The following TRIP12 variants were observed in gnomAD, a reference collection of about 807,000 sequenced individuals.
TRIP12 encodes the protein thyroid hormone receptor interactor 12.
Under a neutral mutation model 244.2 loss-of-function variants are expected in TRIP12, and 25 were observed. The observed-to-expected ratio is 0.10, with a 90% CI of 0.07 to 0.14. The LOEUF (loss-of-function observed/expected upper bound fraction) is 0.14. TRIP12 is among the 10% of genes least tolerant of loss of function. TRIP12 has a pLI of 1.00. For missense variants in TRIP12, 1,677 were observed against 2,486.4 expected, an observed-to-expected ratio of 0.67 and a Z score of 6.92; for synonymous variants, 905 against 873.1, an observed-to-expected ratio of 1.04 and a Z score of -0.64.
chr2:229,829,854 C>G (rs1339078924), intron 7 of TRIP12, among the ~76,000 whole-genome samples: 1 of 152,108 alleles, frequency 6.6e-6, no homozygotes, highest in Admixed American at 6.5e-5. Context: ...GAGGATGAAG[C>G]AGGAGAATCA....
chr2:229,773,583 C>T (rs1013847341), intron 38 of TRIP12: 3 of 152,696 alleles, frequency 2.0e-5, no homozygotes, highest in Non-Finnish European at 2.9e-5. Flanking sequence ...AAGGCCCCTA[C>T]TTTGTTGCCC....
intron 1 of TRIP12, among the ~76,000 whole-genome samples, chr2:229,897,237 T>C (rs2069103956): frequency 1.3e-5 from 2 of 152,238 alleles, no homozygotes; most frequent in Admixed American, 1.3e-4. Flanking sequence ...TCTCAATTTA[T>C]ATACACTTCA....
intron 34 of TRIP12, 130 bp from the exon 35 acceptor site, chr2:229,779,120 T>C (rs947222848): frequency 9.6e-6 from 7 of 727,550 alleles, no homozygotes; most frequent in Non-Finnish European, 1.6e-5. Context: ...TTCCAAAATG[T>C]CCTGGCTGGA....
At chr2:229,872,682 A>T (rs2062879135) in intron 2 of TRIP12, among the ~76,000 whole-genome samples, 1 of 152,242 alleles carries the variant, frequency 6.6e-6, no homozygotes, top group Non-Finnish European at 1.5e-5. Flanking sequence ...TACAAATACA[A>T]AGCTGTCAAA....
At chr2:229,824,296 T>TA (rs1382330934) in intron 8 of TRIP12, among the ~76,000 whole-genome samples, 1 of 152,088 alleles carries the variant, frequency 6.6e-6, no homozygotes, top group African/African-American at 2.4e-5. Flanking sequence ...TGAATTTTGG[T>TA]AAAAATTCAA....
At chr2:229,877,402 C>A (rs766370146) in intron 2 of TRIP12, among the ~76,000 whole-genome samples, 1 of 151,938 alleles carries the variant, frequency 6.6e-6, no homozygotes, top group South Asian at 2.1e-4. Context: ...AGGTGGCAGG[C>A]GCCTGTAATC....
chr2:229,804,829 G>A (rs1177357449), intron 18 of TRIP12, among the ~76,000 whole-genome samples: 1 of 152,164 alleles, frequency 6.6e-6, no homozygotes. Flanking sequence ...GGCTACAATG[G>A]CAATGGTGGT....
intron 17 of TRIP12, 45 bp downstream of exon 17, chr2:229,807,663 C>G: frequency 3.1e-6 from 5 of 1,612,836 alleles, no homozygotes; most frequent in Non-Finnish European, 4.2e-6. Flanking sequence ...TACACCCACT[C>G]TCCAACAAAA....
chr2:229,891,210 C>T lies in TRIP12; in HGVS notation c.-49-11082G>A, dbSNP rs180742269. ...CTGAAGCGGTAGGATCACTTGATCT[C>T]AGGAGTTTGAGACCAGCCTAGGCAA... On this transcript the variant is annotated intron_variant, in intron 1 of 41. Coordinates refer to ENST00000675903, the MANE Select transcript of TRIP12 (RefSeq NM_001348323.3). 1.5e-4 allele frequency among the ~76,000 whole-genome samples: 23 copies of T among 151,938 alleles called. No homozygotes were observed. The East Asian group carries it at 4.5e-3, about 29-fold the overall frequency.
chr2:229,919,811 A>C (rs770110207), intron 1 of TRIP12, among the ~76,000 whole-genome samples: 9 of 152,206 alleles, frequency 5.9e-5, no homozygotes, highest in Non-Finnish European at 1.3e-4. Flanking sequence ...AAAGCCCACA[A>C]ACCCCAATCA....
Position 229,860,296 on chromosome 2 carries a change from T to C in TRIP12, c.224+110A>G, listed in dbSNP as rs758077871. ...ATCCTAAAAGTTACTTAGAGAATAA[T>C]GAAAATATGTATCAAAACGTTTTGG... is the stretch of plus-strand genomic sequence containing the variant. On this transcript the variant is annotated intron_variant, in intron 3 of 41. Transcript: ENST00000675903. 6.1e-4 allele frequency: 822 copies of C among 1,357,560 alleles called. 1 individual carries two copies. The highest frequency in any genetic ancestry group is 7.0e-4 in the Non-Finnish European group (702 of 1,004,944). The allele number at this position is 1,357,560 out of a possible 1,614,324, so 84.1% of individuals were successfully genotyped here.
At chr2:229,772,757 T>C (rs1330523375) in intron 38 of TRIP12, among the ~76,000 whole-genome samples, 2 of 152,028 alleles carry the variant, frequency 1.3e-5, no homozygotes, top group Non-Finnish European at 2.9e-5. Context: ...CCACCACGCC[T>C]AGCCAGTTAT....
At chr2:229,907,300 G>T (rs745915194) in intron 1 of TRIP12, among the ~76,000 whole-genome samples, 12 of 152,196 alleles carry the variant, frequency 7.9e-5, no homozygotes, top group Non-Finnish European at 1.5e-4. Flanking sequence ...ATCCTGAAAA[G>T]TATGTATTTT....
intron 2 of TRIP12, among the ~76,000 whole-genome samples, chr2:229,871,941 C>T (rs1316988546): frequency 1.3e-5 from 2 of 151,692 alleles, no homozygotes; most frequent in Non-Finnish European, 2.9e-5. Context: ...TACAAGTTCA[C>T]GATGACAGTG....
intron 8 of TRIP12, among the ~76,000 whole-genome samples, chr2:229,819,346 A>ACCAACCTGG (rs1193287177): frequency 3.9e-5 from 6 of 152,296 alleles, no homozygotes. Context: ...GGAGTTTGAG[A>ACCAACCTGG]CCAACCTGGC....
chr2:229,822,828 T>C (rs1426816935), intron 8 of TRIP12, among the ~76,000 whole-genome samples: 1 of 152,072 alleles, frequency 6.6e-6, no homozygotes, highest in Non-Finnish European at 1.5e-5. Context: ...ATGGACAAAA[T>C]TGATTAAGAA....
intron 13 of TRIP12, among the ~76,000 whole-genome samples, chr2:229,813,645 G>A (rs1461416407): frequency 1.3e-5 from 2 of 152,040 alleles, no homozygotes; most frequent in South Asian, 4.1e-4. Context: ...TGAGCTGGGT[G>A]TGGTGGCACA....
At chr2:229,922,556 C>A, upstream of TRIP12, 1 of 1,614,082 alleles carries the variant, frequency 6.2e-7, no homozygotes, top group Non-Finnish European at 8.5e-7. Flanking sequence ...AACTGTAGGA[C>A]AAGGCCCGCC....
chr2:229,775,459 G>C (rs962927365), intron 37 of TRIP12, among the ~76,000 whole-genome samples: 3 of 149,634 alleles, frequency 2.0e-5, no homozygotes, highest in African/African-American at 7.4e-5. Flanking sequence ...ACTATCCTCT[G>C]TGACTCCCTG....
Sources: allele counts gnomAD v4.1 joint callset (sites outside exome capture counted in the v4.1 genomes callset), GRCh38; gene constraint gnomAD v4.1.1; transcripts MANE v1.5; gene names NCBI Gene and HGNC (gene_info 2026-07-23, HGNC 2026-07-21).